Variants in FER observed in about 807,000 individuals in gnomAD.
FER encodes the protein FER tyrosine kinase, also known as tyrosine-protein kinase Fer.
Under a neutral mutation model 111.0 loss-of-function variants are expected in FER, and 63 were observed. The observed-to-expected ratio is 0.57, with a 90% CI of 0.46 to 0.70. FER has a LOEUF of 0.70. Among genes scored for constraint, FER ranks in the 30% least tolerant of loss-of-function variants. The probability of loss-of-function intolerance (pLI) is 0.00; values close to 1 mark genes in which losing one functional copy is unlikely to be tolerated. For missense variants in FER, 914 were observed against 954.0 expected, an observed-to-expected ratio of 0.96 and a Z score of 0.55; for synonymous variants, 327 against 313.9, an observed-to-expected ratio of 1.04 and a Z score of -0.44.
intron 5 of FER, among the ~76,000 whole-genome samples, chr5:108,853,367 T>C (rs73780598): frequency 1.3e-5 from 2 of 152,192 alleles, no homozygotes; most frequent in African/African-American, 2.4e-5. Context: ...GCTTACATTT[T>C]AGAGCAGAAG....
chr5:109,013,952 GT>G (rs1766675097), intron 13 of FER, among the ~76,000 whole-genome samples: 2 of 151,656 alleles, frequency 1.3e-5, no homozygotes, highest in Non-Finnish European at 2.9e-5. Context: ...TTGTAAATTT[GT>G]TTGAGTTCAT....
intron 5 of FER, 63 bp downstream of exon 5, chr5:108,835,870 T>A: frequency 1.1e-6 from 1 of 899,130 alleles, no homozygotes; most frequent in East Asian, 2.7e-5. Flanking sequence ...TTGAAAGTTA[T>A]CTTTGTAAGT....
At chr5:109,117,215 T>C (rs1432627927) in intron 17 of FER, among the ~76,000 whole-genome samples, 1 of 152,188 alleles carries the variant, frequency 6.6e-6, no homozygotes, top group Admixed American at 6.6e-5. Context: ...TAATTATCTT[T>C]ACCATTAAAT....
At chr5:108,755,928 G>T (rs1390930344) in intron 1 of FER, among the ~76,000 whole-genome samples, 1 of 149,896 alleles carries the variant, frequency 6.7e-6, no homozygotes, top group Non-Finnish European at 1.5e-5. Flanking sequence ...GAGGTGGGTG[G>T]ATCACCTGAG....
intron 10 of FER, among the ~76,000 whole-genome samples, chr5:108,905,598 A>G (rs537919858): frequency 6.6e-6 from 1 of 152,266 alleles, no homozygotes; most frequent in South Asian, 2.1e-4. Flanking sequence ...TTTTTGGGAA[A>G]GGTGGGTCAA....
At chr5:109,018,479 T>A (rs1767490431) in intron 13 of FER, among the ~76,000 whole-genome samples, 1 of 151,848 alleles carries the variant, frequency 6.6e-6, no homozygotes, top group Non-Finnish European at 1.5e-5. Context: ...ATTTACCTTT[T>A]CACAATTTTC....
intron 2 of FER, among the ~76,000 whole-genome samples, chr5:108,776,086 A>G (rs1753451051): frequency 6.6e-6 from 1 of 152,296 alleles, no homozygotes; most frequent in East Asian, 1.9e-4. Flanking sequence ...CTTTATACAA[A>G]CATATTCTGA....
chr5:108,805,324 T>C (rs1167109838), intron 3 of FER, among the ~76,000 whole-genome samples: 1 of 152,212 alleles, frequency 6.6e-6, no homozygotes, highest in Non-Finnish European at 1.5e-5. Flanking sequence ...CATGTGGAAC[T>C]GTAAGTTCAG....
At chr5:108,818,324 C>CA (rs1167145021) in intron 3 of FER, 2 of 151,958 alleles carry the variant, frequency 1.3e-5, no homozygotes, top group African/African-American at 4.8e-5. Flanking sequence ...CCTGTGGTCC[C>CA]AGCTGCTCAG....
At chr5:108,814,725 C>T (rs1446155841) in intron 3 of FER, among the ~76,000 whole-genome samples, 1 of 152,158 alleles carries the variant, frequency 6.6e-6, no homozygotes, top group Non-Finnish European at 1.5e-5. Flanking sequence ...GGGCATGCAG[C>T]TCAGCAAGTC....
chr5:108,935,762 C>G (rs1436066103), intron 10 of FER, among the ~76,000 whole-genome samples: 1 of 151,964 alleles, frequency 6.6e-6, no homozygotes, highest in Admixed American at 6.6e-5. Context: ...AAATATTTTT[C>G]TTTTGCCAGA....
chr5:108,962,657 T>C (rs957087952), intron 13 of FER, among the ~76,000 whole-genome samples: 3 of 152,240 alleles, frequency 2.0e-5, no homozygotes, highest in Non-Finnish European at 4.4e-5. Flanking sequence ...GAGCAATGGC[T>C]AGGAGCCCAG....
chr5:108,831,862 A>G (rs1486206600), intron 3 of FER, among the ~76,000 whole-genome samples: 1 of 152,230 alleles, frequency 6.6e-6, no homozygotes, highest in African/African-American at 2.4e-5. Flanking sequence ...ATCTGAAACC[A>G]AACTTTGCTC....
chr5:109,092,284 C>CAAAAAAA (rs70999914), intron 16 of FER, among the ~76,000 whole-genome samples: 7 of 40,428 alleles, frequency 1.7e-4, no homozygotes, highest in East Asian at 1.2e-3. Context: ...CTTATGATGG[C>CAAAAAAA]AAAAAAAAAA....
At chr5:109,073,811 A>T (rs7720808) in intron 16 of FER, among the ~76,000 whole-genome samples, 1 of 152,048 alleles carries the variant, frequency 6.6e-6, no homozygotes, top group Non-Finnish European at 1.5e-5. Flanking sequence ...GGACCTGCAC[A>T]GTTCAAACTC....
At chr5:108,918,406 A>G (rs1752540755) in intron 10 of FER, among the ~76,000 whole-genome samples, 1 of 152,154 alleles carries the variant, frequency 6.6e-6, no homozygotes, top group Admixed American at 6.5e-5. Flanking sequence ...TGGGCCTAAG[A>G]ATGCAGCTGT....
At chr5:108,750,766 A>G (rs1750398425) in intron 1 of FER, among the ~76,000 whole-genome samples, 3 of 152,220 alleles carry the variant, frequency 2.0e-5, no homozygotes, top group African/African-American at 7.2e-5. Flanking sequence ...CTATTTTACT[A>G]TGAAAAATTT....
rs141653572 is a variant in FER at position 108,868,493 on chromosome 5, G to A, written c.665+543G>A. Among the ~76,000 whole-genome samples, 10 of 152,146 alleles carry A rather than the reference G, an allele frequency of 6.6e-5. No homozygotes were observed. In the East Asian group the frequency reaches 1.9e-3, roughly 29 times the overall value. On this transcript the variant is annotated intron_variant, in intron 6 of 19. Transcript: ENST00000281092. Reference sequence around the variant, plus strand: ...TAATTAGTGAGTCAAATGGACACATGTTTATCACACACACTGATACAAAAT... The same window carrying A: ...TAATTAGTGAGTCAAATGGACACATATTTATCACACACACTGATACAAAAT...
intron 2 of FER, among the ~76,000 whole-genome samples, chr5:108,793,795 G>GT (rs56884995): frequency 2.6e-5 from 4 of 151,618 alleles, no homozygotes; most frequent in Non-Finnish European, 5.9e-5. Flanking sequence ...TTCATTGTAT[G>GT]TTTTTTTGAT....
Sources: allele counts gnomAD v4.1 joint callset (sites outside exome capture counted in the v4.1 genomes callset), GRCh38; gene constraint gnomAD v4.1.1; transcripts MANE v1.5; gene names NCBI Gene and HGNC (gene_info 2026-07-23, HGNC 2026-07-21).